ANO4: variants seen among roughly 807,000 people sequenced by gnomAD.
The protein encoded by ANO4 is anoctamin 4.
A neutral mutation model predicts 141.9 loss-of-function variants in ANO4; 69 were observed. The ratio of observed to expected loss-of-function variants is 0.49; its 90% CI spans 0.40 to 0.59. ANO4 has a LOEUF of 0.59. ANO4 is among the 20% of genes least tolerant of loss of function. ANO4 has a pLI of 0.00. For missense variants in ANO4, 894 were observed against 1,162.2 expected (o/e 0.77, Z 3.36); for synonymous variants, 350 against 394.3 (o/e 0.89, Z 1.33).
chr12:101,086,519 G>T, intron 16 of ANO4, 141 bp from the exon 17 acceptor site: 1 of 833,378 alleles, frequency 1.2e-6, no homozygotes. Context: ...ACAATGAAAA[G>T]TATGCATTTG....
chr12:100,953,067 AAGATTTCTC>A (rs1340339712), intron 5 of ANO4, among the ~76,000 whole-genome samples: 1 of 152,202 alleles, frequency 6.6e-6, no homozygotes, highest in Non-Finnish European at 1.5e-5. Flanking sequence ...TTTAATCTAA[AAGATTTCTC>A]AGCAGTCTAA....
chr12:100,729,360 C>CAAAAAAAAAAAAAAAAAAAAAAAA (rs1156522144), intron 1 of ANO4, among the ~76,000 whole-genome samples: 1 of 22,568 alleles, frequency 4.4e-5, no homozygotes, highest in Non-Finnish European at 8.4e-5. Flanking sequence ...AACTCTGTCT[C>CAAAAAAAAAAAAAAAAAAAAAAAA]AAAAAAAAAA....
chr12:100,943,114 T>C (rs1427179985), intron 5 of ANO4, among the ~76,000 whole-genome samples: 2 of 152,282 alleles, frequency 1.3e-5, no homozygotes, highest in Admixed American at 6.5e-5. Flanking sequence ...ATGGGGAGCT[T>C]CAAGGCAGAA....
upstream of ANO4, among the ~76,000 whole-genome samples, chr12:100,791,429 C>A (rs1877878): frequency 0.72 from 110,230 of 152,052 alleles, 40,279 homozygotes; most frequent in East Asian, 0.94. Context: ...ACAACAACAA[C>A]AAAAATGGTA....
At chr12:100,907,307 G>A (rs2040891113) in intron 2 of ANO4, among the ~76,000 whole-genome samples, 1 of 152,090 alleles carries the variant, frequency 6.6e-6, no homozygotes, top group Admixed American at 6.5e-5. Flanking sequence ...CATTGCTCAA[G>A]CTCCTCTCTC....
chr12:101,120,812 T>G (rs556152755), intron 26 of ANO4, among the ~76,000 whole-genome samples, 187 bp downstream of exon 26: 1 of 152,336 alleles, frequency 6.6e-6, no homozygotes, highest in South Asian at 2.1e-4. Context: ...CCAAGACATA[T>G]TTGAAAGTCC....
chr12:100,747,231 T>G (rs2032150953), intron 3 of ANO4, among the ~76,000 whole-genome samples: 1 of 152,176 alleles, frequency 6.6e-6, no homozygotes, highest in African/African-American at 2.4e-5. Context: ...TCATTGATAA[T>G]GGGTTCATGG....
chr12:100,968,317 A>G (rs1466555340), intron 5 of ANO4, among the ~76,000 whole-genome samples: 1 of 152,178 alleles, frequency 6.6e-6, no homozygotes, highest in Admixed American at 6.5e-5. Flanking sequence ...TAATGTTTAC[A>G]TACATTTATG....
At chr12:100,982,271 G>A (rs1471345550) in intron 7 of ANO4, among the ~76,000 whole-genome samples, 2 of 152,142 alleles carry the variant, frequency 1.3e-5, no homozygotes, top group African/African-American at 4.8e-5. Flanking sequence ...CAAAATCAAT[G>A]CTAAATCATT....
rs774800848 is a variant in ANO4 at position 101,086,791 on chromosome 12, C to T, written c.1668C>T (p.Cys556=). 7.4e-6 allele frequency: 12 copies of T among 1,613,628 alleles called. No homozygotes were observed. Among genetic ancestry groups the T allele is most frequent in the Admixed American group, 1.7e-5 (1 of 59,968 alleles). ...TTGCAACCACAGGGACTGCTGTGTGCATCAACTTCTGTATCATTATGTTGC... is the reference window on the plus strand; with the variant it reads ...TTGCAACCACAGGGACTGCTGTGTGTATCAACTTCTGTATCATTATGTTGC... ...SQVATTGTAV[C]INFCIIMLLN... Residue 556 remains cysteine, a synonymous_variant, in exon 17 of 28, where the codon TGC becomes TGT. Transcript: ENST00000392977.
chr12:101,116,832 C>A (rs766322156), intron 25 of ANO4, 34 bp downstream of exon 25: 1 of 1,613,414 alleles, frequency 6.2e-7, no homozygotes, highest in Non-Finnish European at 8.5e-7. Context: ...TCTGCCTGAG[C>A]TGGGCTGGCT....
At chr12:100,892,710 A>G (rs1372723130) in intron 1 of ANO4, among the ~76,000 whole-genome samples, 2 of 152,174 alleles carry the variant, frequency 1.3e-5, no homozygotes, top group Admixed American at 6.5e-5. Context: ...ACCCAGTACA[A>G]TGTAAATGAT....
At chr12:100,932,776 CAT>C (rs1413876133) in intron 3 of ANO4, among the ~76,000 whole-genome samples, 1 of 152,128 alleles carries the variant, frequency 6.6e-6, no homozygotes. Flanking sequence ...AGCCAGCTGT[CAT>C]AAATCTCTGA....
At chr12:101,008,895 G>A (rs1490421529) in intron 8 of ANO4, among the ~76,000 whole-genome samples, 1 of 152,022 alleles carries the variant, frequency 6.6e-6, no homozygotes, top group Non-Finnish European at 1.5e-5. Context: ...CCTTTACCAA[G>A]GATATCCTAG....
chr12:101,030,722 TAAA>T lies in ANO4; in HGVS notation c.842-6372_842-6370del, dbSNP rs201618385. On this transcript the variant is annotated intron_variant, in intron 9 of 27. Coordinates refer to ENST00000392977, the MANE Select transcript of ANO4 (RefSeq NM_001286615.2). ...TAAGAAATACCACTAGCTAGACTAA[TAAA>T]GAAGAAAAGAGAGAAGAATCCCATA... Among the ~76,000 whole-genome samples the T allele has an allele frequency of 3.7e-3, 558 of 151,646 alleles. 3 individuals carry two copies. The highest frequency in any genetic ancestry group is 0.013 in the African/African-American group (522 of 41,320).
At chr12:100,949,552 C>T (rs1323819752) in intron 5 of ANO4, among the ~76,000 whole-genome samples, 6 of 152,122 alleles carry the variant, frequency 3.9e-5, no homozygotes, top group Admixed American at 3.9e-4. Flanking sequence ...TTACTGTTAT[C>T]ATAACGGCTA....
Position 100,922,215 on chromosome 12 carries a change from C to G in ANO4, c.56-11C>G. 6.6e-7 allele frequency: 1 copy of G among 1,521,864 alleles called. No homozygotes were observed. The highest frequency in any genetic ancestry group is 8.8e-7 in the Non-Finnish European group (1 of 1,140,172). 94.3% of individuals were successfully genotyped at this position (1,521,864 alleles called of 1,614,324 possible). ...CAGTGCAAACTCCATGAATATCTTT[C>G]ATTTCTCTAGAAGGAGGTGTGGATT... is the stretch of plus-strand genomic sequence containing the variant. On this transcript the variant is annotated splice_polypyrimidine_tract_variant and intron_variant, in intron 2 of 27. Coordinates refer to ENST00000392977, the MANE Select transcript of ANO4 (RefSeq NM_001286615.2).
chr12:100,825,007 T>G (rs1442084408), intron 1 of ANO4, among the ~76,000 whole-genome samples: 1 of 152,028 alleles, frequency 6.6e-6, no homozygotes, highest in Non-Finnish European at 1.5e-5. Flanking sequence ...AATATGGCAT[T>G]GGAACTTTTT....
At chr12:100,834,369 G>A (rs1807031189) in intron 1 of ANO4, among the ~76,000 whole-genome samples, 1 of 152,112 alleles carries the variant, frequency 6.6e-6, no homozygotes, top group Admixed American at 6.6e-5. Flanking sequence ...CTGAAAGGAA[G>A]TCTGGATGCT....
Sources: allele counts gnomAD v4.1 joint callset (sites outside exome capture counted in the v4.1 genomes callset), GRCh38; gene constraint gnomAD v4.1.1; transcripts MANE v1.5; gene names NCBI Gene and HGNC (gene_info 2026-07-23, HGNC 2026-07-21).